Variants in PITPNM2 observed in about 807,000 individuals in gnomAD.
PITPNM2 encodes membrane-associated phosphatidylinositol transfer protein 2.
PITPNM2 carries 35 observed loss-of-function variants against 132.2 expected under a neutral mutation model. That is an observed-to-expected ratio of 0.26 (90% CI 0.20 to 0.35). The LOEUF (loss-of-function observed/expected upper bound fraction) is 0.35. Among genes scored for constraint, PITPNM2 ranks in the 10% least tolerant of loss-of-function variants. The probability of loss-of-function intolerance (pLI) is 1.00; values close to 1 mark genes in which losing one functional copy is unlikely to be tolerated. For synonymous variants in PITPNM2, 738 were observed against 799.2 expected, an observed-to-expected ratio of 0.92 and a Z score of 1.29; for missense variants, 1,332 against 1,912.0, an observed-to-expected ratio of 0.70 and a Z score of 5.66.
At chr12:123,017,032 TGA>T (rs2039453684) in intron 3 of PITPNM2, among the ~76,000 whole-genome samples, 1 of 115,392 alleles carries the variant, frequency 8.7e-6, no homozygotes, top group Non-Finnish European at 1.8e-5. Flanking sequence ...GGCGACAGAG[TGA>T]GACTCCATCT....
intron 2 of PITPNM2, chr12:123,081,435 A>G (rs1003354733): frequency 1.3e-5 from 2 of 152,092 alleles, no homozygotes; most frequent in African/African-American, 2.4e-5. Context: ...CCACTCCTTA[A>G]TGTGGTGGCA....
Position 123,095,126 on chromosome 12 carries a change from C to T in PITPNM2, c.-96+15259G>A, listed in dbSNP as rs57190557. Among the ~76,000 whole-genome samples, 981 of 152,300 alleles carry T rather than the reference C, an allele frequency of 6.4e-3. 14 individuals carry two copies. The highest frequency in any genetic ancestry group is 0.022 in the African/African-American group (924 of 41,552). ...TGGCTGCTGGGGATCCAAGACTCTC[C>T]ACTCCACCATCCTTGCACAGCAGGC... On this transcript the variant is annotated intron_variant, in intron 2 of 25. Transcript: ENST00000320201. This position sits in a 1 kb window ranked among gnomAD's most constrained non-coding sequence, Gnocchi z 5.0.
intron 2 of PITPNM2, among the ~76,000 whole-genome samples, chr12:123,038,944 CA>C (rs1275313896): frequency 6.6e-6 from 1 of 152,030 alleles, no homozygotes; most frequent in Non-Finnish European, 1.5e-5. Flanking sequence ...TTCAAAAAAT[CA>C]TACACTTAAA....
Position 123,008,035 on chromosome 12 carries a change from G to A in PITPNM2, c.643+1815C>T, listed in dbSNP as rs1323791291. On this transcript the variant is annotated intron_variant, in intron 6 of 25. Coordinates refer to ENST00000320201, the MANE Select transcript of PITPNM2 (RefSeq NM_020845.3). The surrounding 1 kb of genome is among the most constrained non-coding windows in gnomAD (Gnocchi z 4.1). The stretch of plus-strand genomic sequence containing the variant: ...CCACGGTCTCGGCCCACAACAGTCC[G>A]ATAGGATCGGTGTCATTACACCCAT... Among the ~76,000 whole-genome samples the A allele has an allele frequency of 6.6e-6, 1 of 152,224 alleles. No homozygotes were observed. Among genetic ancestry groups the A allele is most frequent in the African/African-American group, 2.4e-5 (1 of 41,446 alleles).
intron 3 of PITPNM2, among the ~76,000 whole-genome samples, chr12:123,019,403 A>C (rs1315902189): frequency 6.6e-6 from 1 of 152,212 alleles, no homozygotes; most frequent in African/African-American, 2.4e-5. Flanking sequence ...CTTGAATAAA[A>C]AGTGAAAAAG....
rs548729776 is a variant in PITPNM2, at chr12:123,135,728, C to T, written c.-200+15025G>A. On this transcript the variant is annotated intron_variant, in intron 1 of 25. Coordinates refer to ENST00000320201, the MANE Select transcript of PITPNM2 (RefSeq NM_020845.3). ...GTTTGGTTTTTTAGAGACGGCGTCT[C>T]GCTACGCTGCCCAGGCTGGAGTGCA... Among the ~76,000 whole-genome samples the T allele has an allele frequency of 5.3e-5, 8 of 152,252 alleles. No individual in the cohort carries two copies. In the South Asian group the frequency reaches 6.2e-4, roughly 12 times the overall value.
At chr12:123,029,499 T>G (rs1461771570) in intron 3 of PITPNM2, among the ~76,000 whole-genome samples, 1 of 152,158 alleles carries the variant, frequency 6.6e-6, no homozygotes, top group East Asian at 1.9e-4. Flanking sequence ...GGCAGAGGAA[T>G]CGCTTAAACC....
At chr12:123,112,926 C>G (rs2042869391) in intron 1 of PITPNM2, among the ~76,000 whole-genome samples, 1 of 152,188 alleles carries the variant, frequency 6.6e-6, no homozygotes, top group Non-Finnish European at 1.5e-5. Flanking sequence ...ACAAGAACAA[C>G]AGAAGTCAGA....
chr12:123,016,786 C>T (rs2039443564), intron 3 of PITPNM2, among the ~76,000 whole-genome samples: 1 of 152,146 alleles, frequency 6.6e-6, no homozygotes, highest in African/African-American at 2.4e-5. Flanking sequence ...TGGCTCACGC[C>T]TGTAAGCCTA....
chr12:123,146,977 G>GAA (rs1202802621), intron 1 of PITPNM2, among the ~76,000 whole-genome samples: 32 of 152,128 alleles, frequency 2.1e-4, no homozygotes, highest in Non-Finnish European at 1.3e-4. Context: ...CAGAGGATTT[G>GAA]AAAAAGGCAT....
rs371089057 is a variant in PITPNM2, at chr12:122,992,072, C to T, written c.2404+427G>A. Among the ~76,000 whole-genome samples the T allele has an allele frequency of 5.3e-4, 80 of 152,138 alleles. 2 individuals are homozygous for T. In the South Asian group the frequency reaches 0.015, roughly 29 times the overall value. Reference sequence around the variant, plus strand: ...CCTACCTGGACCTCCCCTGCCCCAACGCATCTCCTGCACCCTATCTCGGGG... The same window carrying T: ...CCTACCTGGACCTCCCCTGCCCCAATGCATCTCCTGCACCCTATCTCGGGG... On this transcript the variant is annotated intron_variant, in intron 16 of 25. Coordinates refer to ENST00000320201, the MANE Select transcript of PITPNM2 (RefSeq NM_020845.3). The surrounding 1 kb of genome is among the most constrained non-coding windows in gnomAD (Gnocchi z 6.5).
intron 1 of PITPNM2, among the ~76,000 whole-genome samples, chr12:123,143,369 C>G (rs928990235): frequency 4.6e-5 from 7 of 152,144 alleles, no homozygotes; most frequent in Non-Finnish European, 8.8e-5. Flanking sequence ...GGAAGGGAAG[C>G]CCCCCAGCTG....
intron 3 of PITPNM2, chr12:123,021,928 G>C (rs528502718): frequency 6.5e-6 from 1 of 154,866 alleles, no homozygotes; most frequent in Non-Finnish European, 1.4e-5. Flanking sequence ...GACGTACACA[G>C]GATGAGCTCA....
intron 2 of PITPNM2, among the ~76,000 whole-genome samples, chr12:123,057,794 A>G (rs1386511707): frequency 6.6e-6 from 1 of 152,210 alleles, no homozygotes; most frequent in Non-Finnish European, 1.5e-5. Flanking sequence ...ATGGGAAAGA[A>G]GGAGGGGGAA....
intron 3 of PITPNM2, chr12:123,021,627 T>C (rs2039675026): frequency 2.1e-6 from 2 of 971,122 alleles, no homozygotes; most frequent in Middle Eastern, 5.2e-4. Flanking sequence ...GTGAAGACCA[T>C]TCCCCTTGAA....
intron 5 of PITPNM2, among the ~76,000 whole-genome samples, chr12:123,011,539 T>C (rs2039203691): frequency 6.6e-6 from 1 of 152,172 alleles, no homozygotes; most frequent in African/African-American, 2.4e-5. Context: ...CTGAACACAG[T>C]GCCTCAGAAT....
chr12:123,116,964 G>T (rs553493540), intron 1 of PITPNM2, among the ~76,000 whole-genome samples: 21 of 152,320 alleles, frequency 1.4e-4, no homozygotes, highest in African/African-American at 4.8e-4. Flanking sequence ...TTACCACTGG[G>T]CCCTGCCCAA....
intron 3 of PITPNM2, among the ~76,000 whole-genome samples, chr12:123,025,430 G>C (rs1176341098): frequency 6.8e-6 from 1 of 147,488 alleles, no homozygotes. Context: ...ATGTGGACCA[G>C]ATTTTTTTTT....
intron 1 of PITPNM2, among the ~76,000 whole-genome samples, chr12:123,146,575 C>G (rs1031274695): frequency 7.3e-5 from 11 of 149,716 alleles, no homozygotes; most frequent in Non-Finnish European, 1.3e-4. Flanking sequence ...GCCTGGGCAA[C>G]AAGAGCGAAA....
Sources: allele counts gnomAD v4.1 joint callset (sites outside exome capture counted in the v4.1 genomes callset), GRCh38; gene constraint gnomAD v4.1.1; non-coding constraint Gnocchi (gnomAD v3.1); transcripts MANE v1.5; gene names NCBI Gene and HGNC (gene_info 2026-07-23, HGNC 2026-07-21).